CSNK1G1: variants seen among roughly 807,000 people sequenced by gnomAD.
The protein encoded by CSNK1G1 is casein kinase 1 gamma 1.
A neutral mutation model predicts 59.6 loss-of-function variants in CSNK1G1; 22 were observed. That is an observed-to-expected ratio of 0.37 (90% CI 0.26 to 0.53). The LOEUF (loss-of-function observed/expected upper bound fraction) is 0.53. CSNK1G1 is among the 20% of genes least tolerant of loss of function. The pLI, the probability that CSNK1G1 is intolerant of heterozygous loss-of-function variation, is 0.89. For missense variants in CSNK1G1, 384 were observed against 519.5 expected (o/e 0.74, Z 2.54); for synonymous variants, 179 against 177.1 (o/e 1.01, Z -0.08).
intron 7 of CSNK1G1, among the ~76,000 whole-genome samples, chr15:64,206,905 A>G (rs1018953467): frequency 6.6e-6 from 1 of 152,168 alleles, no homozygotes; most frequent in African/African-American, 2.4e-5. Context: ...GGATAAACAA[A>G]TATTTTCCAA....
At chr15:64,269,449 T>C (rs1424098488) in intron 2 of CSNK1G1, among the ~76,000 whole-genome samples, 2 of 152,018 alleles carry the variant, frequency 1.3e-5, no homozygotes, top group African/African-American at 4.8e-5. Context: ...CTAGGTTTTC[T>C]GGCTTGTGTG....
intron 2 of CSNK1G1, among the ~76,000 whole-genome samples, chr15:64,274,130 G>A (rs1385759127): frequency 6.9e-6 from 1 of 144,482 alleles, no homozygotes; most frequent in Non-Finnish European, 1.5e-5. Flanking sequence ...GGCACCAAAA[G>A]AATCAAATAC....
intron 2 of CSNK1G1, among the ~76,000 whole-genome samples, chr15:64,272,913 A>T (rs919170322): frequency 6.6e-6 from 1 of 151,862 alleles, no homozygotes; most frequent in Non-Finnish European, 1.5e-5. Flanking sequence ...CATGTTGCCC[A>T]GGCTGGTCTC....
chr15:64,186,078 T>C (rs1182468429), intron 10 of CSNK1G1, among the ~76,000 whole-genome samples: 1 of 152,152 alleles, frequency 6.6e-6, no homozygotes, highest in Non-Finnish European at 1.5e-5. Context: ...CTGTGCTGGA[T>C]CTCTGGTTTC....
At chr15:64,333,571 A>T (rs973429366) in intron 1 of CSNK1G1, among the ~76,000 whole-genome samples, 1 of 152,134 alleles carries the variant, frequency 6.6e-6, no homozygotes, top group Non-Finnish European at 1.5e-5. Flanking sequence ...TGATGACTAA[A>T]GCAGTACCTC....
intron 2 of CSNK1G1, among the ~76,000 whole-genome samples, chr15:64,262,570 G>C (rs1892752186): frequency 6.6e-6 from 1 of 152,152 alleles, no homozygotes; most frequent in African/African-American, 2.4e-5. Flanking sequence ...GCTAAGGACA[G>C]GTTATGAATA....
At chr15:64,268,667 A>G (rs1289769985) in intron 2 of CSNK1G1, among the ~76,000 whole-genome samples, 2 of 151,810 alleles carry the variant, frequency 1.3e-5, no homozygotes, top group East Asian at 3.9e-4. Flanking sequence ...TTTTATTTCA[A>G]TTGTTTTTGA....
intron 4 of CSNK1G1, among the ~76,000 whole-genome samples, chr15:64,225,612 G>C (rs1555501328): frequency 6.6e-6 from 1 of 152,076 alleles, no homozygotes; most frequent in Non-Finnish European, 1.5e-5. Context: ...AAGGTACTTA[G>C]ATGTGTTACC....
intron 10 of CSNK1G1, among the ~76,000 whole-genome samples, chr15:64,186,588 C>G (rs1258821859): frequency 6.6e-6 from 1 of 152,202 alleles, no homozygotes; most frequent in Non-Finnish European, 1.5e-5. Context: ...TGGCTCACTG[C>G]AGCCTCAAAC....
Position 64,216,709 on chromosome 15 carries a change from T to C in CSNK1G1, c.297A>G (p.Glu99=), listed in dbSNP as rs769492544. The C allele has an allele frequency of 4.3e-6, 7 of 1,613,806 alleles. No individual in the cohort carries two copies. The Admixed American group carries it at 6.7e-5, about 15-fold the overall frequency. Residue 99 remains glutamate, a synonymous_variant, in exon 5 of 12, where the codon GAA becomes GAG. Coordinates refer to ENST00000303052, the MANE Select transcript of CSNK1G1 (RefSeq NM_022048.5). This position sits in a 1 kb window ranked among gnomAD's most constrained non-coding sequence, Gnocchi z 4.6. ...RFYKQLGSAG[E]GLPQVYYFGP... ...CAAAGTAATACACCTGTGGGAGACC[T>C]TCACCTGAAAGCAGAGGGGAAATGG...
At chr15:64,180,487 A>C (rs759880815) in intron 10 of CSNK1G1, 33 bp from the exon 11 acceptor site, 1 of 1,539,914 alleles carries the variant, frequency 6.5e-7, no homozygotes, top group South Asian at 1.1e-5. Context: ...TGTGACAGGC[A>C]CCATGGCAAC....
chr15:64,208,302 A>G (rs998423435), intron 6 of CSNK1G1, among the ~76,000 whole-genome samples: 2 of 152,200 alleles, frequency 1.3e-5, no homozygotes, highest in Admixed American at 6.5e-5. Context: ...GTTCGAGATA[A>G]GCCTGGGCAA....
At chr15:64,329,987 T>C (rs1897038400) in intron 1 of CSNK1G1, among the ~76,000 whole-genome samples, 1 of 151,492 alleles carries the variant, frequency 6.6e-6, no homozygotes. Flanking sequence ...AGAAGTTGAA[T>C]CTCTGAATAG....
chr15:64,338,700 C>CAAAAAAAAAAAAAAAAAA (rs34206192), intron 1 of CSNK1G1, among the ~76,000 whole-genome samples: 2 of 31,532 alleles, frequency 6.3e-5, no homozygotes, highest in African/African-American at 3.7e-4. Context: ...AACTCGGTCT[C>CAAAAAAAAAAAAAAAAAA]AAAAAAAAAA....
chr15:64,262,323 G>A (rs917470872), intron 2 of CSNK1G1, among the ~76,000 whole-genome samples: 3 of 152,236 alleles, frequency 2.0e-5, no homozygotes, highest in Admixed American at 6.5e-5. Context: ...GTCAGTAGAA[G>A]AGCTTGGATA....
intron 4 of CSNK1G1, among the ~76,000 whole-genome samples, chr15:64,237,867 T>C (rs376422093): frequency 2.0e-5 from 3 of 152,192 alleles, no homozygotes; most frequent in South Asian, 4.1e-4. Flanking sequence ...GACTTCGAAA[T>C]TGCAAAGCCT....
At position 64,340,615 on chromosome 15, in the gene CSNK1G1, C is replaced by T. The variant is rs1897635046; in HGVS notation, c.-225+15373G>A. On this transcript the variant is annotated intron_variant, in intron 1 of 11. Transcript: ENST00000303052. ...AGTTTTATTCTGGGCAGCCTAATTA[C>T]CTTGCAGCAAAGGGCTAATGAAGTT... Among the ~76,000 whole-genome samples the T allele has an allele frequency of 2.6e-5, 4 of 152,146 alleles. No individual in the cohort carries two copies. In the South Asian group the frequency reaches 8.3e-4, roughly 32 times the overall value.
rs1264045235 is a variant in CSNK1G1 at position 64,210,466 on chromosome 15, G to A, written c.680-2872C>T. Reference sequence around the variant, plus strand: ...CTACATGCCCTCATTTTTTCATGCAGCATATTTTCATTTTCAAAGAAGAAA... The same window carrying A: ...CTACATGCCCTCATTTTTTCATGCAACATATTTTCATTTTCAAAGAAGAAA... On this transcript the variant is annotated intron_variant, in intron 6 of 11. Transcript: ENST00000303052. The surrounding 1 kb of genome is among the most constrained non-coding windows in gnomAD (Gnocchi z 4.2). Among the ~76,000 whole-genome samples the A allele has an allele frequency of 6.6e-6, 1 of 151,976 alleles. No individual in the cohort carries two copies. Among genetic ancestry groups the A allele is most frequent in the Non-Finnish European group, 1.5e-5 (1 of 67,994 alleles).
At chr15:64,348,412 G>A (rs1364235460) in intron 1 of CSNK1G1, 1 of 152,060 alleles carries the variant, frequency 6.6e-6, no homozygotes, top group East Asian at 1.9e-4. Flanking sequence ...GGGGATGGAG[G>A]AGAGAAGCAC....
Sources: gnomAD v4.1 joint callset for allele counts (sites outside exome capture counted in the v4.1 genomes callset) on GRCh38, gnomAD v4.1.1 for gene constraint, Gnocchi (gnomAD v3.1) non-coding constraint, MANE v1.5 for transcripts, NCBI Gene and HGNC (gene_info 2026-07-23, HGNC 2026-07-21) for gene names.